FNBP1: variants seen among roughly 807,000 people sequenced by gnomAD.
The protein encoded by FNBP1 is formin-binding protein 1.
A neutral mutation model predicts 90.6 loss-of-function variants in FNBP1; 26 were observed. The ratio of observed to expected loss-of-function variants is 0.29; its 90% CI spans 0.21 to 0.40. FNBP1 has a LOEUF of 0.40. Ranked by LOEUF, FNBP1 falls within the 10% of genes least tolerant of loss-of-function variation. The pLI is 1.00. For synonymous variants in FNBP1, 260 were observed against 265.2 expected, an observed-to-expected ratio of 0.98 and a Z score of 0.19; for missense variants, 635 against 768.0, an observed-to-expected ratio of 0.83 and a Z score of 2.05.
chr9:130,030,959 C>T (rs975066620), intron 1 of FNBP1, among the ~76,000 whole-genome samples: 2 of 152,158 alleles, frequency 1.3e-5, no homozygotes, highest in African/African-American at 4.8e-5. Flanking sequence ...TTAGGTTTTG[C>T]ACCCAGCTGG....
intron 1 of FNBP1, among the ~76,000 whole-genome samples, chr9:129,998,100 G>A (rs1287685748): frequency 6.6e-6 from 1 of 150,644 alleles, no homozygotes; most frequent in Non-Finnish European, 1.5e-5. Flanking sequence ...GGAGGCTGAG[G>A]CAGGAGAATC....
Position 129,929,616 on chromosome 9 carries a change from T to C in FNBP1, c.593A>G (p.Asn198Ser), listed in dbSNP as rs1322656360. 1.2e-6 allele frequency: 2 copies of C among 1,613,648 alleles called. No individual in the cohort carries two copies. Among genetic ancestry groups the C allele is most frequent in the African/African-American group, 1.3e-5 (1 of 74,902 alleles). The change falls in exon 7 of 17, where the codon AAC becomes AGC. Residue 198 changes from asparagine (N) to serine (S), a missense_variant. Physicochemically the swap from Asn to Ser is conservative, Grantham distance 46 (BLOSUM62 1). Transcript: ENST00000446176. ...ADYSSILQKF[N>S]HEQHEYYHTH... Reference sequence around the variant, plus strand: ...ATGGTAATATTCATGCTGCTCATGGTTGAATTTCTGGAGAATGGATGAGTA... The same window carrying C: ...ATGGTAATATTCATGCTGCTCATGGCTGAATTTCTGGAGAATGGATGAGTA...
At chr9:129,929,796 G>A (rs1364608224) in intron 6 of FNBP1, 101 bp from the exon 7 acceptor site, 2 of 1,105,782 alleles carry the variant, frequency 1.8e-6, no homozygotes, top group Non-Finnish European at 2.6e-6. Context: ...ATGCCTAGGG[G>A]CCAGATTTAC....
At chr9:129,905,690 A>AGGATCTAAGTGAGCTT (rs2037901630) in intron 12 of FNBP1, among the ~76,000 whole-genome samples, 1 of 152,120 alleles carries the variant, frequency 6.6e-6, no homozygotes, top group Non-Finnish European at 1.5e-5. Context: ...TAAGTGAGCT[A>AGGATCTAAGTGAGCTT]AGGCTCAGTG....
Position 130,026,292 on chromosome 9 carries a change from G to A in FNBP1, c.24+16660C>T, listed in dbSNP as rs1184588913. Among the ~76,000 whole-genome samples the A allele has an allele frequency of 7.2e-5, 11 of 152,004 alleles. No individual in the cohort carries two copies. The East Asian group carries it at 9.7e-4, about 13-fold the overall frequency. ...GGTGATCATCTGAGGTCAGGAGTACGAGACCAGCCTGGCCAATGTGGCAAA... is the reference window on the plus strand; with the variant it reads ...GGTGATCATCTGAGGTCAGGAGTACAAGACCAGCCTGGCCAATGTGGCAAA... On this transcript the variant is annotated intron_variant, in intron 1 of 16. Transcript: ENST00000446176.
At chr9:130,007,514 G>A (rs574292834) in intron 1 of FNBP1, among the ~76,000 whole-genome samples, 16 of 152,230 alleles carry the variant, frequency 1.1e-4, no homozygotes, top group Admixed American at 5.9e-4. Context: ...CTGTGCTAGA[G>A]TCTGAGCAGA....
chr9:129,974,638 T>C (rs2050021476), intron 4 of FNBP1, among the ~76,000 whole-genome samples: 1 of 151,648 alleles, frequency 6.6e-6, no homozygotes, highest in African/African-American at 2.4e-5. Context: ...GGTGAGAAAA[T>C]CGCCTGAACC....
intron 8 of FNBP1, 101 bp from the exon 9 acceptor site, chr9:129,925,258 G>C: frequency 1.1e-6 from 1 of 903,086 alleles, no homozygotes; most frequent in Non-Finnish European, 1.7e-6. Context: ...TGTAATCCCA[G>C]CACTCTGGGA....
At chr9:129,956,910 G>C (rs1211351602) in intron 6 of FNBP1, among the ~76,000 whole-genome samples, 1 of 151,884 alleles carries the variant, frequency 6.6e-6, no homozygotes, top group Non-Finnish European at 1.5e-5. Flanking sequence ...CCCCACAATG[G>C]TTGACACAAA....
chr9:129,985,137 G>C (rs150899796), intron 2 of FNBP1, among the ~76,000 whole-genome samples: 1 of 152,062 alleles, frequency 6.6e-6, no homozygotes, highest in African/African-American at 2.4e-5. Context: ...AGCAAACCAA[G>C]CAGAACATAT....
chr9:129,973,694 C>T (rs569598958), intron 4 of FNBP1, among the ~76,000 whole-genome samples: 26 of 148,176 alleles, frequency 1.8e-4, no homozygotes, highest in South Asian at 1.3e-3. Flanking sequence ...TTAGTAGAGA[C>T]GGGTTTCACC....
intron 1 of FNBP1, among the ~76,000 whole-genome samples, chr9:129,999,362 G>A (rs1335565195): frequency 6.6e-6 from 1 of 152,048 alleles, no homozygotes; most frequent in Non-Finnish European, 1.5e-5. Context: ...TTGCGAGGCC[G>A]AGGTAGGTGG....
At chr9:129,892,333 A>G (rs1025695010) in intron 16 of FNBP1, among the ~76,000 whole-genome samples, 42 of 151,166 alleles carry the variant, frequency 2.8e-4, no homozygotes, top group African/African-American at 8.8e-4. Context: ...TCTAGTCTAA[A>G]TATTTTGGCA....
chr9:129,906,186 T>A (rs1204783605), intron 12 of FNBP1, among the ~76,000 whole-genome samples: 1 of 152,106 alleles, frequency 6.6e-6, no homozygotes, highest in East Asian at 1.9e-4. Flanking sequence ...CCTGGCCAAT[T>A]TCTTAATATT....
At chr9:129,913,639 C>T (rs1244564619) in intron 11 of FNBP1, among the ~76,000 whole-genome samples, 2 of 151,870 alleles carry the variant, frequency 1.3e-5, no homozygotes, top group Non-Finnish European at 2.9e-5. Context: ...GGTGTGGTGG[C>T]GCGCCCCTAT....
rs1448762100 is a variant in FNBP1 at position 130,031,209 on chromosome 9, C to G, written c.24+11743G>C. Among the ~76,000 whole-genome samples the G allele has an allele frequency of 1.3e-5, 2 of 152,156 alleles. No individual in the cohort carries two copies. The highest frequency in any genetic ancestry group is 4.8e-5 in the African/African-American group (2 of 41,428). On this transcript the variant is annotated intron_variant, in intron 1 of 16. Coordinates refer to ENST00000446176, the MANE Select transcript of FNBP1 (RefSeq NM_015033.3). This position sits in a 1 kb window ranked among gnomAD's most constrained non-coding sequence, Gnocchi z 4.2. ...AGATAGAAAGGCTCTCTACTGAAACCCACTCCAGTAATCCAGTCAGCCAAT... is the reference window on the plus strand; with the variant it reads ...AGATAGAAAGGCTCTCTACTGAAACGCACTCCAGTAATCCAGTCAGCCAAT...
In FNBP1 at chr9:130,030,022, T is replaced by C. The variant is rs186049687; in HGVS notation, c.24+12930A>G. Among the ~76,000 whole-genome samples, 3 of 152,118 alleles carry C rather than the reference T, an allele frequency of 2.0e-5. No homozygotes were observed. In the East Asian group the frequency reaches 5.8e-4, roughly 29 times the overall value. Reference sequence around the variant, plus strand: ...TACACATAAAAAAACTACAGATTTCTCAGACTTGCCAATTTGGGGAATGCT... The same window carrying C: ...TACACATAAAAAAACTACAGATTTCCCAGACTTGCCAATTTGGGGAATGCT... On this transcript the variant is annotated intron_variant, in intron 1 of 16. Coordinates refer to ENST00000446176, the MANE Select transcript of FNBP1 (RefSeq NM_015033.3).
Position 130,031,928 on chromosome 9 carries a change from C to T in FNBP1, c.24+11024G>A, listed in dbSNP as rs1439043965. ...CTGCCCGACTCGGCCTTCCAAAGTGCTGGTATTACAGGAGTGAGCCACTGC... is the reference window on the plus strand; with the variant it reads ...CTGCCCGACTCGGCCTTCCAAAGTGTTGGTATTACAGGAGTGAGCCACTGC... On this transcript the variant is annotated intron_variant, in intron 1 of 16. Coordinates refer to ENST00000446176, the MANE Select transcript of FNBP1 (RefSeq NM_015033.3). The surrounding 1 kb of genome is among the most constrained non-coding windows in gnomAD (Gnocchi z 4.2). 6.6e-6 allele frequency among the ~76,000 whole-genome samples: 1 copy of T among 152,106 alleles called. No homozygotes were observed. Among genetic ancestry groups the T allele is most frequent in the African/African-American group, 2.4e-5 (1 of 41,420 alleles).
chr9:129,888,160 C>T lies in FNBP1; in HGVS notation c.*2379G>A, dbSNP rs1032125116. ...CAAGCATATCCTATACTGGGGGTGA[C>T]GGTCATTCAAAGAGCAAATTACTGC... On this transcript the variant is annotated 3_prime_UTR_variant, in exon 17 of 17. Coordinates refer to ENST00000446176, the MANE Select transcript of FNBP1 (RefSeq NM_015033.3). 4 of 232,622 alleles carry T rather than the reference C, an allele frequency of 1.7e-5. No individual in the cohort carries two copies. The highest frequency in any genetic ancestry group is 2.5e-5 in the Non-Finnish European group (3 of 117,748). 14.4% of individuals were successfully genotyped at this position (232,622 alleles called of 1,614,324 possible). A position where few individuals can be genotyped will look rare whatever the true frequency, so the allele number is the denominator to read the frequency against.
Sources: gnomAD v4.1 joint callset for allele counts (sites outside exome capture counted in the v4.1 genomes callset) on GRCh38, gnomAD v4.1.1 for gene constraint, Gnocchi (gnomAD v3.1) non-coding constraint, MANE v1.5 for transcripts, NCBI Gene and HGNC (gene_info 2026-07-23, HGNC 2026-07-21) for gene names.